PRKAG2: variants seen among roughly 807,000 people sequenced by gnomAD.
PRKAG2 encodes protein kinase AMP-activated non-catalytic subunit gamma 2.
Under a neutral mutation model 69.6 loss-of-function variants are expected in PRKAG2, and 26 were observed. The ratio of observed to expected loss-of-function variants is 0.37; its 90% CI spans 0.27 to 0.52. The LOEUF (loss-of-function observed/expected upper bound fraction) is 0.52. Ranked by LOEUF, PRKAG2 falls within the 20% of genes least tolerant of loss-of-function variation. The pLI is 0.90. For synonymous variants in PRKAG2, 293 were observed against 285.0 expected (o/e 1.03, Z -0.28); for missense variants, 557 against 740.0 (o/e 0.75, Z 2.87).
chr7:151,723,461 A>T (rs1183048247), intron 3 of PRKAG2, among the ~76,000 whole-genome samples: 1 of 152,192 alleles, frequency 6.6e-6, no homozygotes, highest in African/African-American at 2.4e-5. Context: ...TTTCACTTCT[A>T]AGAACATGGT....
rs56898021 is a variant in PRKAG2 at position 151,556,160 on chromosome 7, G to GAA, written c.*1039_*1040dup. On this transcript the variant is annotated 3_prime_UTR_variant, in exon 16 of 16. Coordinates refer to ENST00000287878, the MANE Select transcript of PRKAG2 (RefSeq NM_016203.4). ...AGGATCTATTTTAATTTTTCAATCT[G>GAA]AAAAAAAAAAACCCAAAACAAAAAA... The GAA allele has an allele frequency of 8.6e-4, 118 of 137,026 alleles. No homozygotes were observed. Among genetic ancestry groups the GAA allele is most frequent in the East Asian group, 3.6e-3 (17 of 4,734 alleles). The allele number at this position is 137,026 out of a possible 1,614,324, so 8.5% of individuals were successfully genotyped here.
chr7:151,557,497 AT>A (rs1325549555), intron 15 of PRKAG2: 11 of 984,756 alleles, frequency 1.1e-5, no homozygotes, highest in Middle Eastern at 5.2e-4. Context: ...CTCTTAAAAA[AT>A]TTTACTAAGA....
At chr7:151,747,142 A>G (rs1227833844) in intron 3 of PRKAG2, among the ~76,000 whole-genome samples, 1 of 150,888 alleles carries the variant, frequency 6.6e-6, no homozygotes, top group Non-Finnish European at 1.5e-5. Context: ...GGGCACAGAC[A>G]TCCTGCCTCA....
intron 6 of PRKAG2, among the ~76,000 whole-genome samples, chr7:151,592,784 G>A (rs1253186182): frequency 6.6e-6 from 1 of 152,210 alleles, no homozygotes; most frequent in African/African-American, 2.4e-5. Context: ...CTCTTAGGTT[G>A]TTTTGGGTAC....
intron 4 of PRKAG2, among the ~76,000 whole-genome samples, chr7:151,657,809 T>C (rs1031924507): frequency 6.6e-6 from 1 of 152,202 alleles, no homozygotes; most frequent in African/African-American, 2.4e-5. Context: ...AAGTCAAATG[T>C]GTCAAATGCT....
At chr7:151,855,111 C>G (rs1254278121) in intron 1 of PRKAG2, among the ~76,000 whole-genome samples, 4 of 49,166 alleles carry the variant, frequency 8.1e-5, no homozygotes, top group African/African-American at 2.6e-4. Flanking sequence ...CACACACCAC[C>G]CTACACACAC....
At chr7:151,681,211 G>A (rs1378267029) in intron 3 of PRKAG2, among the ~76,000 whole-genome samples, 5 of 152,180 alleles carry the variant, frequency 3.3e-5, no homozygotes, top group South Asian at 2.1e-4. Context: ...CTCTGGGGCC[G>A]AGGAGATGAG....
At chr7:151,587,684 C>A (rs928172008) in intron 6 of PRKAG2, among the ~76,000 whole-genome samples, 1 of 152,082 alleles carries the variant, frequency 6.6e-6, no homozygotes, top group African/African-American at 2.4e-5. Flanking sequence ...TGGAAAATAC[C>A]TGACCAACAC....
At chr7:151,751,087 T>C (rs2074640644) in intron 3 of PRKAG2, among the ~76,000 whole-genome samples, 1 of 150,788 alleles carries the variant, frequency 6.6e-6, no homozygotes, top group Middle Eastern at 3.2e-3. Flanking sequence ...GCCATACTGA[T>C]TCAAAGATTC....
chr7:151,711,952 A>G (rs747657965), intron 3 of PRKAG2, among the ~76,000 whole-genome samples: 1 of 152,202 alleles, frequency 6.6e-6, no homozygotes, highest in Non-Finnish European at 1.5e-5. Context: ...GTTTGGCACC[A>G]TCACCCAGAA....
At chr7:151,563,959 G>C in intron 14 of PRKAG2, 119 bp downstream of exon 14, 5 of 1,388,390 alleles carry the variant, frequency 3.6e-6, no homozygotes, top group Non-Finnish European at 3.1e-6. Context: ...CCCATCGACT[G>C]AACCTGGAGG....
At chr7:151,625,395 G>C (rs1224845827) in intron 5 of PRKAG2, among the ~76,000 whole-genome samples, 2 of 152,202 alleles carry the variant, frequency 1.3e-5, no homozygotes, top group African/African-American at 2.4e-5. Context: ...GAGGCACCAG[G>C]TGAGGCTGGG....
chr7:151,634,976 G>T (rs1309403015), intron 4 of PRKAG2, among the ~76,000 whole-genome samples: 4 of 149,108 alleles, frequency 2.7e-5, no homozygotes, highest in African/African-American at 9.9e-5. Context: ...TTGAGACAGG[G>T]TCTCCCTCTG....
intron 4 of PRKAG2, among the ~76,000 whole-genome samples, chr7:151,642,202 G>T (rs1308168995): frequency 6.6e-6 from 1 of 151,978 alleles, no homozygotes; most frequent in Admixed American, 6.6e-5. Flanking sequence ...AATTAGCCAG[G>T]CATGGTGGCA....
intron 5 of PRKAG2, among the ~76,000 whole-genome samples, chr7:151,621,502 G>A (rs1391694374): frequency 2.0e-5 from 3 of 152,258 alleles, no homozygotes; most frequent in African/African-American, 7.2e-5. Context: ...GGGTGACAGA[G>A]TGAGACCCTG....
At chr7:151,804,648 A>G (rs2078012338) in intron 1 of PRKAG2, among the ~76,000 whole-genome samples, 2 of 152,162 alleles carry the variant, frequency 1.3e-5, no homozygotes, top group Admixed American at 1.3e-4. Context: ...CCAACAGGCT[A>G]TTTTGTTCAA....
In PRKAG2 at chr7:151,719,912, A is replaced by G. The variant is rs1296054804; in HGVS notation, c.467-44275T>C. 6.6e-6 allele frequency among the ~76,000 whole-genome samples: 1 copy of G among 152,092 alleles called. No homozygotes were observed. The highest frequency in any genetic ancestry group is 1.5e-5 in the Non-Finnish European group (1 of 68,022). ...ACTGAGGCCGCCACATTCAATCTGC[A>G]CCTTCCCATGGAACTCTCCCAATTG... On this transcript the variant is annotated intron_variant, in intron 3 of 15. Coordinates refer to ENST00000287878, the MANE Select transcript of PRKAG2 (RefSeq NM_016203.4). This position sits in a 1 kb window ranked among gnomAD's most constrained non-coding sequence, Gnocchi z 5.2.
chr7:151,788,960 C>G lies in PRKAG2; in HGVS notation c.115-2419G>C, dbSNP rs2077143655. On this transcript the variant is annotated intron_variant, in intron 1 of 15. Transcript: ENST00000287878. The surrounding 1 kb of genome is among the most constrained non-coding windows in gnomAD (Gnocchi z 4.6). ...ACTGTGGAACGTCATTTGACTTTAT[C>G]TCTGAGAGTTTATTTCTGGGCTCTC... Among the ~76,000 whole-genome samples, 1 of 152,184 alleles carries G rather than the reference C, an allele frequency of 6.6e-6. No individual in the cohort carries two copies. Among genetic ancestry groups the G allele is most frequent in the South Asian group, 2.1e-4 (1 of 4,834 alleles).
At chr7:151,755,246 T>A (rs62478209) in intron 3 of PRKAG2, among the ~76,000 whole-genome samples, 63,997 of 152,008 alleles carry the variant, frequency 0.42, 14,961 homozygotes, top group East Asian at 0.79. Flanking sequence ...TCCTCATTCT[T>A]GAAGGAATCG....
Sources: allele counts gnomAD v4.1 joint callset (sites outside exome capture counted in the v4.1 genomes callset), GRCh38; gene constraint gnomAD v4.1.1; non-coding constraint Gnocchi (gnomAD v3.1); transcripts MANE v1.5; gene names NCBI Gene and HGNC (gene_info 2026-07-23, HGNC 2026-07-21).